PLA2G4D: variants seen among roughly 807,000 people sequenced by gnomAD.
PLA2G4D encodes phospholipase A2 group IVD.
A neutral mutation model predicts 94.4 loss-of-function variants in PLA2G4D; 80 were observed. The observed-to-expected ratio is 0.85, with a 90% confidence interval of 0.71 to 1.02. The LOEUF is 1.02. PLA2G4D is among the 50% of genes least tolerant of loss of function. The pLI, the probability that PLA2G4D is intolerant of heterozygous loss-of-function variation, is 0.00. For missense variants in PLA2G4D, 1,050 were observed against 1,034.7 expected, an observed-to-expected ratio of 1.01 and a Z score of -0.20; for synonymous variants, 438 against 440.9, an observed-to-expected ratio of 0.99 and a Z score of 0.08.
chr15:42,094,561 C>G lies in PLA2G4D; in HGVS notation c.-102G>C. Reference sequence around the variant, plus strand: ...CCAGTGGGATAGGACCAGCATGAATCTGCCAGCCTTCAATGAGCCACGATC... The same window carrying G: ...CCAGTGGGATAGGACCAGCATGAATGTGCCAGCCTTCAATGAGCCACGATC... On this transcript the variant is annotated 5_prime_UTR_variant, in exon 1 of 20. Transcript: ENST00000290472. The G allele has an allele frequency of 3.5e-6, 5 of 1,433,818 alleles. No homozygotes were observed. The highest frequency in any genetic ancestry group is 4.8e-6 in the Non-Finnish European group (5 of 1,034,034). 88.8% of individuals were successfully genotyped at this position (1,433,818 alleles called of 1,614,324 possible).
rs766371830 is a variant in PLA2G4D at position 42,071,210 on chromosome 15, G to T, written c.1789C>A (p.Pro597Thr). 1 of 1,613,228 alleles carries T rather than the reference G, an allele frequency of 6.2e-7. No homozygotes were observed. The highest frequency in any genetic ancestry group is 8.5e-7 in the Non-Finnish European group (1 of 1,179,748). The change falls in exon 17 of 20, where the codon CCC (proline) becomes ACC (threonine). Residue 597 changes from proline to threonine, a missense_variant. Physicochemically the swap from Pro to Thr is conservative, Grantham distance 38 (BLOSUM62 -1). Coordinates refer to ENST00000290472, the MANE Select transcript of PLA2G4D (RefSeq NM_178034.4). The part of the protein sequence containing the change: ...QAFKGFLTGR[P>T]LHQRSPNFLQ... ...AAGTTGGGGCTGCGCTGGTGGAGGG[G>T]CCTGCCTGTCAGGAAGCCTTTAAAT...
At chr15:42,085,001 T>G in intron 6 of PLA2G4D, 95 bp downstream of exon 6, 1 of 1,436,822 alleles carries the variant, frequency 7.0e-7, no homozygotes, top group Non-Finnish European at 9.7e-7. Context: ...CCCTGCCCCT[T>G]CCTTGTCCCT....
chr15:42,083,426 G>A, intron 7 of PLA2G4D, 92 bp from the exon 8 acceptor site: 1 of 1,510,914 alleles, frequency 6.6e-7, no homozygotes, highest in Non-Finnish European at 8.9e-7. Flanking sequence ...GGATTCAGAG[G>A]ATGCCTGGGA....
Position 42,067,236 on chromosome 15 carries a change from G to A in PLA2G4D, c.*1479C>T, listed in dbSNP as rs1889703353. ...TGTACACGCACCCTTGCATGAGGGA[G>A]GTAAGAAATGTGCTAGCAGCTGGCC... On this transcript the variant is annotated 3_prime_UTR_variant, in exon 20 of 20. Transcript: ENST00000290472. 6.6e-6 allele frequency: 1 copy of A among 152,216 alleles called. No individual in the cohort carries two copies. 9.4% of individuals were successfully genotyped at this position (152,216 alleles called of 1,614,324 possible).
chr15:42,067,645 G>A lies in PLA2G4D; in HGVS notation c.*1070C>T, dbSNP rs1356721031. 6.6e-6 allele frequency: 1 copy of A among 151,668 alleles called. No homozygotes were observed. Among genetic ancestry groups the A allele is most frequent in the Non-Finnish European group, 1.5e-5 (1 of 67,970 alleles). The allele number at this position is 151,668 out of a possible 1,614,324, so 9.4% of individuals were successfully genotyped here. ...ATGGAAACTGCCCCAGGAATGCAAA[G>A]TTGGTTTAATATCCAAAAACCAATT... On this transcript the variant is annotated 3_prime_UTR_variant, in exon 20 of 20. Transcript: ENST00000290472.
At chr15:42,092,726 T>G (rs1316443461) in intron 1 of PLA2G4D, among the ~76,000 whole-genome samples, 2 of 152,124 alleles carry the variant, frequency 1.3e-5, no homozygotes, top group African/African-American at 2.4e-5. Flanking sequence ...GGGCCATCCT[T>G]CTTCCGGTGG....
intron 13 of PLA2G4D, 130 bp from the exon 14 acceptor site, chr15:42,072,522 G>T: frequency 1.4e-6 from 1 of 716,350 alleles, no homozygotes; most frequent in South Asian, 1.7e-5. Flanking sequence ...GGGGTCTGGG[G>T]ACCATATGTG....
intron 16 of PLA2G4D, 61 bp downstream of exon 16, chr15:42,071,383 C>T (rs1889813092): frequency 1.9e-6 from 3 of 1,571,134 alleles, no homozygotes; most frequent in African/African-American, 1.4e-5. Context: ...ACACCGCACA[C>T]CGCAAGCATT....
At chr15:42,093,148 G>T (rs1890274378) in intron 1 of PLA2G4D, among the ~76,000 whole-genome samples, 1 of 152,198 alleles carries the variant, frequency 6.6e-6, no homozygotes, top group South Asian at 2.1e-4. Context: ...CAGCAGAAAT[G>T]AGGCTAGGCT....
chr15:42,088,645 T>C (rs1410759028), intron 1 of PLA2G4D, among the ~76,000 whole-genome samples: 1 of 152,146 alleles, frequency 6.6e-6, no homozygotes, highest in Non-Finnish European at 1.5e-5. Context: ...GCAGGGCAAA[T>C]GGCATTTTTT....
chr15:42,087,549 C>T, intron 2 of PLA2G4D, 79 bp downstream of exon 2: 1 of 1,605,528 alleles, frequency 6.2e-7, no homozygotes, highest in Non-Finnish European at 8.5e-7. Context: ...CCAGCCCAGC[C>T]CCAGGGCACT....
chr15:42,069,001 C>CCCTCCCTGTGCGCCGCTGCCA, intron 19 of PLA2G4D, 60 bp from the exon 20 acceptor site: 1 of 1,481,494 alleles, frequency 6.7e-7, no homozygotes, highest in Non-Finnish European at 9.2e-7. Context: ...AGCCTGGCAG[C>CCCTCCCTGTGCGCCGCTGCCA]GGCGCACAGG....
chr15:42,085,176 G>T, intron 5 of PLA2G4D, 38 bp from the exon 6 acceptor site: 1 of 1,613,146 alleles, frequency 6.2e-7, no homozygotes, highest in Non-Finnish European at 8.5e-7. Context: ...AACGCTTCCT[G>T]CATTGACCTC....
chr15:42,092,710 G>A (rs1314144839), intron 1 of PLA2G4D, among the ~76,000 whole-genome samples: 1 of 152,168 alleles, frequency 6.6e-6, no homozygotes, highest in Admixed American at 6.5e-5. Flanking sequence ...GGACCCCAGA[G>A]GCTCTGGGCC....
chr15:42,075,941 A>AGAAGGAAG (rs374838263), intron 13 of PLA2G4D, among the ~76,000 whole-genome samples: 2 of 148,378 alleles, frequency 1.3e-5, no homozygotes, highest in Middle Eastern at 3.5e-3. Context: ...GGGGAGAGGA[A>AGAAGGAAG]GAAGGAAGGA....
At chr15:42,070,916 C>G (rs1217134220) in intron 17 of PLA2G4D, 33 bp from the exon 18 acceptor site, 2 of 1,595,134 alleles carry the variant, frequency 1.3e-6, no homozygotes, top group Middle Eastern at 1.7e-4. Context: ...CAGAGGCCAC[C>G]ACCCTGCCAC....
intron 7 of PLA2G4D, 103 bp from the exon 8 acceptor site, chr15:42,083,437 G>A (rs1465801615): frequency 6.7e-7 from 1 of 1,488,732 alleles, no homozygotes; most frequent in Admixed American, 2.1e-5. Context: ...ATGCCTGGGA[G>A]GCTGGGCCAT....
chr15:42,087,412 A>G lies in PLA2G4D; in HGVS notation c.143T>C (p.Ile48Thr). The change falls in exon 3 of 20, where the codon ATC becomes ACC. Residue 48 changes from isoleucine (I) to threonine (T), a missense_variant. Ile to Thr is a moderately conservative substitution (Grantham distance 89). Coordinates refer to ENST00000290472, the MANE Select transcript of PLA2G4D (RefSeq NM_178034.4). ...DLLSEADPYV[I>T]LQLSTAPGMK... ...TCCAGGTGCGGTCGACAGCTGTAGG[A>G]TCACGTAAGGGTCGGCCTCACTCAC... The G allele has an allele frequency of 6.2e-7, 1 of 1,614,094 alleles. No individual in the cohort carries two copies. The highest frequency in any genetic ancestry group is 8.5e-7 in the Non-Finnish European group (1 of 1,180,000).
intron 13 of PLA2G4D, among the ~76,000 whole-genome samples, chr15:42,075,364 C>T (rs1374310589): frequency 6.6e-6 from 1 of 152,202 alleles, no homozygotes; most frequent in Non-Finnish European, 1.5e-5. Flanking sequence ...CAGCTTCTCC[C>T]ATTCTGTAGT....
Sources: gnomAD v4.1 joint callset for allele counts (sites outside exome capture counted in the v4.1 genomes callset) on GRCh38, gnomAD v4.1.1 for gene constraint, MANE v1.5 for transcripts, NCBI Gene and HGNC (gene_info 2026-07-23, HGNC 2026-07-21) for gene names.